Variants in ITGA9 observed in about 807,000 individuals in gnomAD.
ITGA9 encodes integrin alpha-9.
ITGA9 carries 56 observed loss-of-function variants against 127.8 expected under a neutral mutation model. That is an observed-to-expected ratio of 0.44 (90% confidence interval 0.35 to 0.55). The LOEUF (loss-of-function observed/expected upper bound fraction) is 0.55, where lower values mean the gene tolerates loss of function less well. Among genes scored for constraint, ITGA9 ranks in the 20% least tolerant of loss-of-function variants. The pLI is 0.00. For missense variants in ITGA9, 1,196 were observed against 1,347.1 expected (o/e 0.89, Z 1.76); for synonymous variants, 508 against 514.5 (o/e 0.99, Z 0.17).
intron 27 of ITGA9, among the ~76,000 whole-genome samples, chr3:37,810,399 C>A (rs1358638974): frequency 6.6e-6 from 1 of 151,970 alleles, no homozygotes; most frequent in African/African-American, 2.4e-5. Context: ...GATAAATAAA[C>A]AACAGCCCTC....
intron 15 of ITGA9, among the ~76,000 whole-genome samples, chr3:37,592,691 G>A (rs972301940): frequency 7.2e-5 from 11 of 152,150 alleles, no homozygotes; most frequent in Admixed American, 5.2e-4. Context: ...GTAGGGGGAC[G>A]AAGCCAGGAG....
chr3:37,489,316 C>T (rs1698642855), intron 4 of ITGA9, among the ~76,000 whole-genome samples: 1 of 152,226 alleles, frequency 6.6e-6, no homozygotes, highest in South Asian at 2.1e-4. Context: ...AGAAGCAGAT[C>T]AGAAGTTGGG....
At chr3:37,529,061 C>T (rs1287632982) in intron 13 of ITGA9, among the ~76,000 whole-genome samples, 1 of 152,124 alleles carries the variant, frequency 6.6e-6, no homozygotes, top group Non-Finnish European at 1.5e-5. Context: ...ATTTGAGATT[C>T]GTTCATGTTG....
At chr3:37,482,978 A>T (rs1698571722) in intron 4 of ITGA9, among the ~76,000 whole-genome samples, 1 of 152,156 alleles carries the variant, frequency 6.6e-6, no homozygotes, top group African/African-American at 2.4e-5. Context: ...AACGCAAAGC[A>T]TGTGTCAAGC....
At chr3:37,638,225 C>A (rs549001351) in intron 16 of ITGA9, among the ~76,000 whole-genome samples, 1 of 152,070 alleles carries the variant, frequency 6.6e-6, no homozygotes, top group African/African-American at 2.4e-5. Flanking sequence ...TCAAAAGAAA[C>A]ATAAACGGAC....
intron 15 of ITGA9, among the ~76,000 whole-genome samples, chr3:37,601,352 G>C (rs1373760989): frequency 6.6e-6 from 1 of 152,182 alleles, no homozygotes; most frequent in Non-Finnish European, 1.5e-5. Flanking sequence ...CTGGAAAAGA[G>C]CTCCTTCAGC....
At chr3:37,773,728 G>C (rs553865507) in intron 23 of ITGA9, among the ~76,000 whole-genome samples, 5 of 152,264 alleles carry the variant, frequency 3.3e-5, no homozygotes, top group African/African-American at 7.2e-5. Flanking sequence ...TTTCATGGGG[G>C]TGGTAGTTAC....
intron 18 of ITGA9, among the ~76,000 whole-genome samples, chr3:37,729,700 C>CTTT (rs34875348): frequency 4.9e-4 from 41 of 84,092 alleles, no homozygotes; most frequent in Non-Finnish European, 6.2e-4. Context: ...TTTTTGATTT[C>CTTT]TTTTTTTTTT....
In ITGA9 at chr3:37,814,211, G is replaced by A. The variant is rs1237556157; in HGVS notation, c.3010-4680G>A. On this transcript the variant is annotated intron_variant, in intron 27 of 27. Transcript: ENST00000264741. The surrounding 1 kb of genome is among the most constrained non-coding windows in gnomAD (Gnocchi z 4.3). ...TCATGATGTTTCAGGGCTGGAAGAG[G>A]TCTGAGAATCCCATTGATCTCTTAG... Among the ~76,000 whole-genome samples the A allele has an allele frequency of 6.6e-6, 1 of 152,120 alleles. No homozygotes were observed. The highest frequency in any genetic ancestry group is 1.5e-5 in the Non-Finnish European group (1 of 68,030).
chr3:37,569,169 A>G (rs187085287), intron 15 of ITGA9, among the ~76,000 whole-genome samples: 3 of 152,340 alleles, frequency 2.0e-5, no homozygotes, highest in Admixed American at 6.5e-5. Flanking sequence ...GTAGAAAGCA[A>G]AGACATGTCT....
At chr3:37,809,508 G>A (rs991955430) in intron 27 of ITGA9, among the ~76,000 whole-genome samples, 3 of 152,076 alleles carry the variant, frequency 2.0e-5, no homozygotes, top group Non-Finnish European at 4.4e-5. Flanking sequence ...AACTCCTTTG[G>A]GGAAGAGGAG....
chr3:37,676,035 C>G (rs906022754), intron 17 of ITGA9, among the ~76,000 whole-genome samples: 2 of 152,164 alleles, frequency 1.3e-5, no homozygotes, highest in African/African-American at 4.8e-5. Flanking sequence ...AGTCATCACG[C>G]CCGGCCCAAA....
rs1054766554 is a variant in ITGA9, at chr3:37,629,514, G to C, written c.1839+178G>C. 4.2e-6 allele frequency: 3 copies of C among 709,416 alleles called. No individual in the cohort carries two copies. The Admixed American group carries it at 6.7e-5, about 16-fold the overall frequency. 43.9% of individuals were successfully genotyped at this position (709,416 alleles called of 1,614,324 possible). A position where few individuals can be genotyped will look rare whatever the true frequency, so the allele number is the denominator to read the frequency against. ...AAAATGATAAAATAAACAGTCTTAG[G>C]GGTTACTTGTGACTACTGTGGGACT... is the stretch of plus-strand genomic sequence containing the variant. On this transcript the variant is annotated intron_variant, in intron 16 of 27. Coordinates refer to ENST00000264741, the MANE Select transcript of ITGA9 (RefSeq NM_002207.3). This position sits in a 1 kb window ranked among gnomAD's most constrained non-coding sequence, Gnocchi z 4.5.
chr3:37,509,162 G>A (rs1698876134), intron 8 of ITGA9, among the ~76,000 whole-genome samples: 1 of 152,108 alleles, frequency 6.6e-6, no homozygotes, highest in South Asian at 2.1e-4. Flanking sequence ...AATAGCTCAG[G>A]GTGCTGCCCT....
At chr3:37,742,420 G>A (rs1042945039) in intron 21 of ITGA9, among the ~76,000 whole-genome samples, 6 of 152,182 alleles carry the variant, frequency 3.9e-5, no homozygotes, top group African/African-American at 7.2e-5. Context: ...ATTCAGTGCC[G>A]CTGGCATTGT....
chr3:37,757,896 TAAAG>T (rs1219281132), intron 23 of ITGA9, among the ~76,000 whole-genome samples: 2 of 151,766 alleles, frequency 1.3e-5, no homozygotes, highest in East Asian at 3.9e-4. Context: ...TAGAAAAAGA[TAAAG>T]AAACTCATTC....
intron 5 of ITGA9, among the ~76,000 whole-genome samples, chr3:37,499,068 C>T (rs1190400571): frequency 6.6e-6 from 1 of 152,234 alleles, no homozygotes; most frequent in East Asian, 1.9e-4. Context: ...AGGTCAGTGA[C>T]CCTGAGCTTA....
intron 15 of ITGA9, among the ~76,000 whole-genome samples, chr3:37,545,996 A>G (rs1699322820): frequency 6.6e-6 from 1 of 152,096 alleles, no homozygotes. Flanking sequence ...CACCTGCATG[A>G]TTTTTACATT....
intron 17 of ITGA9, among the ~76,000 whole-genome samples, chr3:37,667,800 A>G (rs1237351806): frequency 1.3e-5 from 2 of 152,214 alleles, no homozygotes; most frequent in Non-Finnish European, 2.9e-5. Context: ...AGGTCAAAAA[A>G]ATTAAATAGC....
Sources: gnomAD v4.1 joint callset for allele counts (sites outside exome capture counted in the v4.1 genomes callset) on GRCh38, gnomAD v4.1.1 for gene constraint, Gnocchi (gnomAD v3.1) non-coding constraint, MANE v1.5 for transcripts, NCBI Gene and HGNC (gene_info 2026-07-23, HGNC 2026-07-21) for gene names.